WWOX: variants seen among roughly 807,000 people sequenced by gnomAD.
WWOX encodes the protein WW domain-containing oxidoreductase.
WWOX carries 69 observed loss-of-function variants against 46.2 expected under a neutral mutation model. The ratio of observed to expected loss-of-function variants is 1.49; its 90% CI spans 1.23 to 1.82. WWOX has a LOEUF of 1.82. WWOX is among the 40% of genes most tolerant of loss of function. The pLI is 0.00. For synonymous variants in WWOX, 359 were observed against 202.6 expected (o/e 1.77, Z -6.56); for missense variants, 919 against 542.6 (o/e 1.69, Z -6.89).
At chr16:78,174,812 A>G (rs1597308948) in intron 5 of WWOX, among the ~76,000 whole-genome samples, 1 of 151,940 alleles carries the variant, frequency 6.6e-6, no homozygotes, top group South Asian at 2.1e-4. Flanking sequence ...ATACGGTGAA[A>G]CCCCGTCTCT....
At chr16:78,885,062 C>A (rs1005683996) in intron 8 of WWOX, among the ~76,000 whole-genome samples, 13 of 152,114 alleles carry the variant, frequency 8.5e-5, no homozygotes, top group Admixed American at 5.9e-4. Context: ...ACATGGCACC[C>A]CAGGTTCAGT....
chr16:78,951,446 C>G (rs554365168), intron 8 of WWOX, among the ~76,000 whole-genome samples: 1 of 152,030 alleles, frequency 6.6e-6, no homozygotes, highest in Admixed American at 6.6e-5. Context: ...ATAAAGACCA[C>G]CTTAGAGCAT....
chr16:78,703,688 G>A (rs1346953285), intron 8 of WWOX, among the ~76,000 whole-genome samples: 1 of 151,928 alleles, frequency 6.6e-6, no homozygotes, highest in African/African-American at 2.4e-5. Flanking sequence ...AAAAAAGATG[G>A]GTAACTCGGA....
At chr16:78,898,266 A>G (rs1426165416) in intron 8 of WWOX, 1 of 152,130 alleles carries the variant, frequency 6.6e-6, no homozygotes, top group African/African-American at 2.4e-5. Context: ...GACACTCCAT[A>G]ACTTCAATCT....
chr16:78,370,869 G>T (rs1158424076), intron 5 of WWOX, among the ~76,000 whole-genome samples: 2 of 131,284 alleles, frequency 1.5e-5, no homozygotes, highest in African/African-American at 2.9e-5. Context: ...TTCTATTTCT[G>T]TTTCATTGAG....
intron 3 of WWOX, chr16:78,111,947 C>T (rs1338601964): frequency 6.4e-6 from 1 of 155,100 alleles, no homozygotes; most frequent in Non-Finnish European, 1.4e-5. Flanking sequence ...GATTCACCCT[C>T]CTTACCCTGC....
chr16:78,320,105 G>T (rs1253189658), intron 5 of WWOX, among the ~76,000 whole-genome samples: 1 of 152,092 alleles, frequency 6.6e-6, no homozygotes, highest in African/African-American at 2.4e-5. Flanking sequence ...ACTGCATGAG[G>T]GCAAAAACTT....
intron 8 of WWOX, among the ~76,000 whole-genome samples, chr16:78,435,780 C>G (rs2083321542): frequency 6.6e-6 from 1 of 152,178 alleles, no homozygotes; most frequent in South Asian, 2.1e-4. Context: ...ACCACTGGAA[C>G]AACTTAGACA....
intron 8 of WWOX, among the ~76,000 whole-genome samples, chr16:78,730,777 T>C (rs1451911105): frequency 2.0e-5 from 3 of 151,786 alleles, no homozygotes; most frequent in African/African-American, 7.3e-5. Flanking sequence ...AATAAATCTT[T>C]TAGGAAAAAA....
chr16:78,947,704 C>T (rs1342334499), intron 8 of WWOX, among the ~76,000 whole-genome samples: 1 of 152,168 alleles, frequency 6.6e-6, no homozygotes, highest in Non-Finnish European at 1.5e-5. Flanking sequence ...CCTCACTTAG[C>T]CCCTTCAGAA....
At chr16:78,757,368 T>C (rs1268961971) in intron 8 of WWOX, among the ~76,000 whole-genome samples, 1 of 152,090 alleles carries the variant, frequency 6.6e-6, no homozygotes, top group African/African-American at 2.4e-5. Context: ...ATGACCACCA[T>C]TTAGAGGGAG....
At chr16:78,693,059 C>T (rs527894626) in intron 8 of WWOX, among the ~76,000 whole-genome samples, 1 of 152,318 alleles carries the variant, frequency 6.6e-6, no homozygotes, top group South Asian at 2.1e-4. Context: ...ATTTGCCATC[C>T]AGAGCTTGCC....
intron 8 of WWOX, among the ~76,000 whole-genome samples, chr16:78,628,875 C>T (rs894969870): frequency 6.6e-6 from 1 of 152,154 alleles, no homozygotes; most frequent in South Asian, 2.1e-4. Flanking sequence ...GTGAATCTCC[C>T]ATTAGTGATG....
At chr16:78,753,971 T>C (rs2049567917) in intron 8 of WWOX, among the ~76,000 whole-genome samples, 1 of 150,084 alleles carries the variant, frequency 6.7e-6, no homozygotes, top group Non-Finnish European at 1.5e-5. Flanking sequence ...CAATCCAATT[T>C]ATCCATCTCA....
rs576579047 is a variant in WWOX, at chr16:78,842,850, C to G, written c.1057-368758C>G. On this transcript the variant is annotated intron_variant, in intron 8 of 8. Transcript: ENST00000566780. ...CGGGGGTGACAGAGTGAGACCCTAT[C>G]TCAAATAAAAATAAAAATAGAATAC... Among the ~76,000 whole-genome samples the G allele has an allele frequency of 1.4e-5, 2 of 138,608 alleles. 1 individual carries two copies. Among genetic ancestry groups the G allele is most frequent in the Non-Finnish European group, 3.3e-5 (2 of 60,158 alleles). The allele number at this position is 138,608 out of a possible 152,430, so 90.9% of individuals were successfully genotyped here.
chr16:78,586,403 G>T (rs769681571), intron 8 of WWOX, among the ~76,000 whole-genome samples: 3 of 152,082 alleles, frequency 2.0e-5, no homozygotes, highest in Non-Finnish European at 4.4e-5. Context: ...GCAAAATGGG[G>T]AGGTAAGGCC....
intron 8 of WWOX, among the ~76,000 whole-genome samples, chr16:79,113,714 C>T (rs557502945): frequency 6.6e-6 from 1 of 152,166 alleles, no homozygotes; most frequent in East Asian, 1.9e-4. Flanking sequence ...TCAATTAAGG[C>T]AAGTCCTGAG....
At chr16:78,843,754 C>G (rs1470328390) in intron 8 of WWOX, among the ~76,000 whole-genome samples, 1 of 152,166 alleles carries the variant, frequency 6.6e-6, no homozygotes, top group Non-Finnish European at 1.5e-5. Flanking sequence ...ACTGTTGCAT[C>G]AAATATTTAG....
At chr16:78,156,672 C>T (rs545859018) in intron 4 of WWOX, among the ~76,000 whole-genome samples, 1 of 152,110 alleles carries the variant, frequency 6.6e-6, no homozygotes, top group Non-Finnish European at 1.5e-5. Flanking sequence ...GCCTGTAATC[C>T]CAGCACTTTG....
Sources: allele counts gnomAD v4.1 joint callset (sites outside exome capture counted in the v4.1 genomes callset), GRCh38; gene constraint gnomAD v4.1.1; transcripts MANE v1.5; gene names NCBI Gene and HGNC (gene_info 2026-07-23, HGNC 2026-07-21).